Variants in DIDO1 observed in about 807,000 individuals in gnomAD.
The protein encoded by DIDO1 is death inducer-obliterator 1.
DIDO1 carries 16 observed loss-of-function variants against 99.4 expected under a neutral mutation model. That is an observed-to-expected ratio of 0.16 (90% CI 0.11 to 0.24). The LOEUF is 0.24. Ranked by LOEUF, DIDO1 falls within the 10% of genes least tolerant of loss-of-function variation. The probability of loss-of-function intolerance (pLI) is 1.00; values close to 1 mark genes in which losing one functional copy is unlikely to be tolerated. For missense variants in DIDO1, 2,996 were observed against 3,014.0 expected (o/e 0.99, Z 0.14); for synonymous variants, 1,366 against 1,239.1 (o/e 1.10, Z -2.15).
In DIDO1 at chr20:62,879,973, AC is replaced by A; in HGVS notation, c.5982del (p.Ser1995ProfsTer24). ...TCATTTTTTTCAGAAAAGGGTGCGG[AC>A]CCCCGTAGTCCACCAAACTGCAGGG... is the stretch of plus-strand genomic sequence containing the variant. ...PAPLQFGGLR[G>X]SAPFSEKNEQ... is the part of the protein sequence containing the mutation. On this transcript the variant is annotated frameshift_variant, in exon 16 of 16. Coordinates refer to ENST00000395343, the MANE Select transcript of DIDO1 (RefSeq NM_001193369.2). LOFTEE classifies it low-confidence loss of function (END_TRUNC). This position sits in a 1 kb window ranked among gnomAD's most constrained non-coding sequence, Gnocchi z 6.3. 6.2e-7 allele frequency: 1 copy of A among 1,605,942 alleles called. No homozygotes were observed. The highest frequency in any genetic ancestry group is 8.5e-7 in the Non-Finnish European group (1 of 1,178,002).
chr20:62,935,935 G>C (rs1371322902), intron 1 of DIDO1, among the ~76,000 whole-genome samples: 1 of 152,244 alleles, frequency 6.6e-6, no homozygotes, highest in Non-Finnish European at 1.5e-5. Flanking sequence ...CCAGTTTCTA[G>C]AGAGGATTAA....
In DIDO1 at chr20:62,896,737, C is replaced by T. The variant is rs113967021; in HGVS notation, c.1848G>A (p.Pro616=). The T allele has an allele frequency of 1.6e-4, 261 of 1,613,454 alleles. 2 individuals carry two copies. In the African/African-American group the frequency reaches 2.0e-3, roughly 13 times the overall value. The change falls in exon 7 of 16, where the codon CCG becomes CCA. Residue 616 remains proline (P), a synonymous_variant. Coordinates refer to ENST00000395343, the MANE Select transcript of DIDO1 (RefSeq NM_001193369.2). The surrounding 1 kb of genome is among the most constrained non-coding windows in gnomAD (Gnocchi z 4.4). ...AGGCAGCCGTTGCCGCTGCAGGTGC[C>T]GGTCCGGCCTGCCTGGCAGCTGAAG... ...SGASAARQAG[P]APAAATAASK...
At chr20:62,922,268 AC>A (rs2147568724) in intron 1 of DIDO1, among the ~76,000 whole-genome samples, 1 of 151,144 alleles carries the variant, frequency 6.6e-6, no homozygotes, top group Non-Finnish European at 1.5e-5. Context: ...ATATATACAC[AC>A]ACACACAGGT....
chr20:62,896,032 A>G lies in DIDO1; in HGVS notation c.2214+201T>C, dbSNP rs1179555867. 6.6e-6 allele frequency among the ~76,000 whole-genome samples: 1 copy of G among 152,170 alleles called. No individual in the cohort carries two copies. Among genetic ancestry groups the G allele is most frequent in the Non-Finnish European group, 1.5e-5 (1 of 68,034 alleles). The stretch of plus-strand genomic sequence containing the variant: ...GAAGCCAGGAAGCGGACGCGACCCT[A>G]GTTAAGGCAGGGAAGGGAAGGGGTT... On this transcript the variant is annotated intron_variant, in intron 8 of 15. Transcript: ENST00000395343. This position sits in a 1 kb window ranked among gnomAD's most constrained non-coding sequence, Gnocchi z 4.4.
At chr20:62,895,207 T>C (rs1472106695) in intron 8 of DIDO1, 42 bp from the exon 9 acceptor site, 8 of 1,532,378 alleles carry the variant, frequency 5.2e-6, no homozygotes, top group Non-Finnish European at 7.2e-6. Context: ...AATATTCCTA[T>C]ATCTGTCAAT....
At position 62,879,231 on chromosome 20, in the gene DIDO1, G is replaced by A. The variant is rs2064152390; in HGVS notation, c.*2C>T. 3 of 1,512,372 alleles carry A rather than the reference G, an allele frequency of 2.0e-6. No homozygotes were observed. The highest frequency in any genetic ancestry group is 1.8e-6 in the Non-Finnish European group (2 of 1,135,786). The allele number at this position is 1,512,372 out of a possible 1,614,324, so 93.7% of individuals were successfully genotyped here. A position where few individuals can be genotyped will look rare whatever the true frequency, so the allele number is the denominator to read the frequency against. On this transcript the variant is annotated 3_prime_UTR_variant, in exon 16 of 16. Transcript: ENST00000395343. This position sits in a 1 kb window ranked among gnomAD's most constrained non-coding sequence, Gnocchi z 6.3. The stretch of plus-strand genomic sequence containing the variant: ...AAAAGGGTCTCTGCCCGGCCGGGGC[G>A]TCTAGGCCTGCGAGGCGGTGCCAGC...
Position 62,880,341 on chromosome 20 carries a change from C to T in DIDO1, c.5615G>A (p.Gly1872Glu), listed in dbSNP as rs994566372. 8 of 1,612,744 alleles carry T rather than the reference C, an allele frequency of 5.0e-6. No homozygotes were observed. The African/African-American group carries it at 8.0e-5, about 16-fold the overall frequency. ...EVTGAPAQFE[G>E]TEQAPFLGSR... Reference sequence around the variant, plus strand: ...TCCCAGAAATGGGGCTTGCTCTGTCCCTTCAAACTGGGCGGGGGCGCCCGT... The same window carrying T: ...TCCCAGAAATGGGGCTTGCTCTGTCTCTTCAAACTGGGCGGGGGCGCCCGT... The change falls in exon 16 of 16, where the codon GGG becomes GAG. Residue 1872 changes from glycine to glutamate, a missense_variant. Physicochemically the swap from Gly to Glu is moderately conservative, Grantham distance 98. Coordinates refer to ENST00000395343, the MANE Select transcript of DIDO1 (RefSeq NM_001193369.2).
At chr20:62,935,943 T>G (rs1336184289) in intron 1 of DIDO1, among the ~76,000 whole-genome samples, 1 of 152,146 alleles carries the variant, frequency 6.6e-6, no homozygotes, top group African/African-American at 2.4e-5. Context: ...TAGAGAGGAT[T>G]AAGGAGGGGG....
chr20:62,916,107 AC>A lies in DIDO1; in HGVS notation c.-199-1702del, dbSNP rs575808398. On this transcript the variant is annotated intron_variant, in intron 1 of 15. Coordinates refer to ENST00000395343, the MANE Select transcript of DIDO1 (RefSeq NM_001193369.2). ...GGCACAAGCAAAAAAACCTGTTCTAACACAACTTTTTGTGTGTATAATTAGT... is the reference window on the plus strand; with the variant it reads ...GGCACAAGCAAAAAAACCTGTTCTAAACAACTTTTTGTGTGTATAATTAGT... 2.6e-5 allele frequency among the ~76,000 whole-genome samples: 4 copies of A among 152,302 alleles called. No homozygotes were observed. The South Asian group carries it at 8.3e-4, about 32-fold the overall frequency.
intron 1 of DIDO1, among the ~76,000 whole-genome samples, chr20:62,918,521 C>T (rs1241333467): frequency 6.6e-6 from 1 of 152,154 alleles, no homozygotes; most frequent in Non-Finnish European, 1.5e-5. Flanking sequence ...GACATACAAC[C>T]ATAATTAAGT....
At chr20:62,910,547 C>T (rs2064908459) in intron 3 of DIDO1, among the ~76,000 whole-genome samples, 1 of 152,226 alleles carries the variant, frequency 6.6e-6, no homozygotes, top group Non-Finnish European at 1.5e-5. Context: ...GCGCTATTCA[C>T]CTCCTCACTT....
chr20:62,879,830 C>T lies in DIDO1; in HGVS notation c.6126G>A (p.Glu2042=), dbSNP rs1270438075. Residue 2042 remains glutamate (E), a synonymous_variant, in exon 16 of 16, where the codon GAG becomes GAA. Coordinates refer to ENST00000395343, the MANE Select transcript of DIDO1 (RefSeq NM_001193369.2). This position sits in a 1 kb window ranked among gnomAD's most constrained non-coding sequence, Gnocchi z 6.3. ...AGAGCGCGGAGGGCGGCCCGGCCTC[C>T]TCCCAGCGGTCCTTCCGGTGCTGCG... ...HPPQHRKDRW[E]EAGPPSALSS... 3 of 1,608,098 alleles carry T rather than the reference C, an allele frequency of 1.9e-6. No individual in the cohort carries two copies. Among genetic ancestry groups the T allele is most frequent in the Non-Finnish European group, 1.7e-6 (2 of 1,178,084 alleles).
At chr20:62,923,224 G>A (rs1960691712) in intron 1 of DIDO1, among the ~76,000 whole-genome samples, 2 of 152,034 alleles carry the variant, frequency 1.3e-5, no homozygotes, top group Admixed American at 1.3e-4. Flanking sequence ...CGCCCAGGCT[G>A]GAGTGCAGTG....
chr20:62,892,979 T>TA lies in DIDO1; in HGVS notation c.3102-18dup, dbSNP rs752461471. 262 of 1,559,394 alleles carry TA rather than the reference T, an allele frequency of 1.7e-4. No individual in the cohort carries two copies. The highest frequency in any genetic ancestry group is 5.1e-4 in the Middle Eastern group (3 of 5,836). On this transcript the variant is annotated splice_polypyrimidine_tract_variant and intron_variant, in intron 12 of 15. Coordinates refer to ENST00000395343, the MANE Select transcript of DIDO1 (RefSeq NM_001193369.2). ...TCTGAAGTGCTGTAAAACAAAACCA[T>TA]AAAAAAAAAGTCAATGTCTCTCTGT... is the stretch of plus-strand genomic sequence containing the variant.
Position 62,881,010 on chromosome 20 carries a change from T to G in DIDO1, c.4946A>C (p.Asp1649Ala). The G allele has an allele frequency of 6.2e-7, 1 of 1,605,542 alleles. No individual in the cohort carries two copies. Among genetic ancestry groups the G allele is most frequent in the African/African-American group, 1.3e-5 (1 of 74,714 alleles). The change falls in exon 16 of 16, where the codon GAC becomes GCC. Residue 1649 changes from aspartate to alanine, a missense_variant. Coordinates refer to ENST00000395343, the MANE Select transcript of DIDO1 (RefSeq NM_001193369.2). The surrounding 1 kb of genome is among the most constrained non-coding windows in gnomAD (Gnocchi z 8.3). ...CCTCCGGGCAGGCCTGGCCGAGCTG[T>G]CTCCAACCGTGGCGGGGCGGGTGCC... The part of the protein sequence containing the change: ...GEGTRPATVG[D>A]SSARPARRVL...
At chr20:62,905,659 G>A (rs1162811536) in intron 6 of DIDO1, 2 of 1,584,854 alleles carry the variant, frequency 1.3e-6, no homozygotes, top group East Asian at 2.3e-5. Context: ...TCACCAGTGA[G>A]GTTTACAGCT....
intron 5 of DIDO1, 39 bp from the exon 6 acceptor site, chr20:62,906,139 A>G: frequency 6.3e-7 from 1 of 1,583,528 alleles, no homozygotes; most frequent in Non-Finnish European, 8.6e-7. Flanking sequence ...TAAAAAGGTA[A>G]GAAATCATAC....
rs1339970414 is a variant in DIDO1, at chr20:62,881,495, C to T, written c.4461G>A (p.Glu1487=). The change falls in exon 16 of 16, where the codon GAG becomes GAA. Residue 1487 remains glutamate (E), a synonymous_variant. Transcript: ENST00000395343. This position sits in a 1 kb window ranked among gnomAD's most constrained non-coding sequence, Gnocchi z 8.3. The part of the protein sequence containing the change: ...KMLEELNKQI[E]EQKRQLEEQE... Reference sequence around the variant, plus strand: ...GCTCCTCCAGCTGTCTCTTCTGCTCCTCGATCTGTTTGTTCAGCTCTTCTA... The same window carrying T: ...GCTCCTCCAGCTGTCTCTTCTGCTCTTCGATCTGTTTGTTCAGCTCTTCTA... 2.5e-6 allele frequency: 4 copies of T among 1,610,728 alleles called. No individual in the cohort carries two copies. Among genetic ancestry groups the T allele is most frequent in the African/African-American group, 1.3e-5 (1 of 74,932 alleles).
At chr20:62,886,210 G>A (rs988733553) in intron 15 of DIDO1, among the ~76,000 whole-genome samples, 1 of 152,354 alleles carries the variant, frequency 6.6e-6, no homozygotes, top group East Asian at 1.9e-4. Flanking sequence ...GCCTGGAGAC[G>A]CCAGCTGCGG....
Sources: allele counts gnomAD v4.1 joint callset (sites outside exome capture counted in the v4.1 genomes callset), GRCh38; gene constraint gnomAD v4.1.1; non-coding constraint Gnocchi (gnomAD v3.1); transcripts MANE v1.5; gene names NCBI Gene and HGNC (gene_info 2026-07-23, HGNC 2026-07-21).